Variants in TRPC3 observed in about 807,000 individuals in gnomAD.
TRPC3 encodes transient receptor potential cation channel subfamily C member 3.
Under a neutral mutation model 90.9 loss-of-function variants are expected in TRPC3, and 54 were observed. The ratio of observed to expected loss-of-function variants is 0.59; its 90% CI spans 0.48 to 0.75. TRPC3 has a LOEUF of 0.75. TRPC3 is among the 30% of genes least tolerant of loss of function. TRPC3 has a pLI of 0.00. For missense variants in TRPC3, 918 were observed against 1,194.5 expected, an observed-to-expected ratio of 0.77 and a Z score of 3.41; for synonymous variants, 424 against 450.9, an observed-to-expected ratio of 0.94 and a Z score of 0.75.
intron 1 of TRPC3, among the ~76,000 whole-genome samples, chr4:121,945,559 C>A (rs1045566953): frequency 6.6e-6 from 1 of 152,096 alleles, no homozygotes; most frequent in South Asian, 2.1e-4. Context: ...TGCTAGAGAA[C>A]GCCCAGAAAT....
chr4:121,939,968 C>T (rs529427521), intron 1 of TRPC3, among the ~76,000 whole-genome samples: 66 of 152,266 alleles, frequency 4.3e-4, no homozygotes, highest in Non-Finnish European at 7.8e-4. Flanking sequence ...GGGTAGTTCC[C>T]GAGAGCCTGA....
chr4:121,943,591 A>C (rs917571606), intron 1 of TRPC3, among the ~76,000 whole-genome samples: 7 of 152,160 alleles, frequency 4.6e-5, no homozygotes, highest in African/African-American at 1.7e-4. Flanking sequence ...AGTGACAATG[A>C]AATTAAAAGT....
chr4:121,889,521 A>G (rs1020486649), intron 10 of TRPC3, among the ~76,000 whole-genome samples: 1 of 152,136 alleles, frequency 6.6e-6, no homozygotes, highest in African/African-American at 2.4e-5. Context: ...AAACCACAAT[A>G]AGATTTCACC....
At position 121,925,030 on chromosome 4, in the gene TRPC3, A is replaced by G; in HGVS notation, c.1164T>C (p.Tyr388=). ...TAGGCCCACTCACCTTTTTGACTTC[A>G]TACTTAATGGCAAGTTTGACACGAC... is the stretch of plus-strand genomic sequence containing the variant. ...SLSRVKLAIK[Y]EVKKFVAHPN... is the part of the protein sequence containing the mutation. The change falls in exon 3 of 12, where the codon TAT becomes TAC. Residue 388 remains tyrosine (Y), a synonymous_variant. Coordinates refer to ENST00000379645, the MANE Select transcript of TRPC3 (RefSeq NM_001130698.2). 17 of 1,612,318 alleles carry G rather than the reference A, an allele frequency of 1.1e-5. No homozygotes were observed. Among genetic ancestry groups the G allele is most frequent in the Non-Finnish European group, 1.4e-5 (17 of 1,179,406 alleles).
chr4:121,931,772 C>T (rs566644388), intron 2 of TRPC3, among the ~76,000 whole-genome samples: 1 of 152,308 alleles, frequency 6.6e-6, no homozygotes, highest in African/African-American at 2.4e-5. Context: ...AACAGTGCAT[C>T]CAAAACTAAC....
intron 1 of TRPC3, among the ~76,000 whole-genome samples, chr4:121,939,219 T>C (rs1472314900): frequency 2.0e-5 from 3 of 152,148 alleles, no homozygotes; most frequent in East Asian, 1.9e-4. Context: ...AGAAGATACA[T>C]TTTACAGGAG....
In TRPC3 at chr4:121,913,990, C is replaced by T. The variant is rs80051014; in HGVS notation, c.1341+790G>A. On this transcript the variant is annotated intron_variant, in intron 4 of 11. Coordinates refer to ENST00000379645, the MANE Select transcript of TRPC3 (RefSeq NM_001130698.2). Reference sequence around the variant, plus strand: ...CTCTGACTTAAACAAAACCAAATTTCAGAATATAAAAACAGGATTAAAGGA... The same window carrying T: ...CTCTGACTTAAACAAAACCAAATTTTAGAATATAAAAACAGGATTAAAGGA... 7.6e-3 allele frequency among the ~76,000 whole-genome samples: 1,155 copies of T among 152,262 alleles called. 8 individuals are homozygous for T. The highest frequency in any genetic ancestry group is 0.025 in the African/African-American group (1,046 of 41,554).
At chr4:121,903,895 A>G (rs1446981766) in intron 8 of TRPC3, among the ~76,000 whole-genome samples, 2 of 152,180 alleles carry the variant, frequency 1.3e-5, no homozygotes, top group Non-Finnish European at 2.9e-5. Flanking sequence ...ACCCAGCCCA[A>G]TCCAAAACCA....
intron 1 of TRPC3, among the ~76,000 whole-genome samples, chr4:121,945,133 T>C (rs1225915528): frequency 6.6e-6 from 1 of 152,270 alleles, no homozygotes; most frequent in Non-Finnish European, 1.5e-5. Flanking sequence ...GACCTTCTTA[T>C]CACACAGTGT....
chr4:121,902,369 A>C (rs887039898), intron 9 of TRPC3, among the ~76,000 whole-genome samples: 1 of 152,186 alleles, frequency 6.6e-6, no homozygotes, highest in Non-Finnish European at 1.5e-5. Flanking sequence ...ATTTATGGTT[A>C]TTTGAGGATG....
chr4:121,897,034 T>C (rs2149113432), intron 10 of TRPC3, among the ~76,000 whole-genome samples: 1 of 152,144 alleles, frequency 6.6e-6, no homozygotes, highest in South Asian at 2.1e-4. Flanking sequence ...AAAACACTCA[T>C]TGGGAAAAGG....
At chr4:121,900,247 CTCTTTT>C (rs1728658389) in intron 9 of TRPC3, among the ~76,000 whole-genome samples, 2 of 152,148 alleles carry the variant, frequency 1.3e-5, no homozygotes, top group Admixed American at 1.3e-4. Flanking sequence ...TTTCTTTTCT[CTCTTTT>C]TCTTTTTAAG....
intron 2 of TRPC3, among the ~76,000 whole-genome samples, chr4:121,928,914 T>C (rs989103666): frequency 1.3e-5 from 2 of 152,230 alleles, no homozygotes; most frequent in African/African-American, 4.8e-5. Flanking sequence ...AGGCAAGTTA[T>C]CATACTGATT....
rs1729037585 is a variant in TRPC3 at position 121,910,381 on chromosome 4, A to G, written c.1565T>C (p.Met522Thr). The G allele has an allele frequency of 6.2e-7, 1 of 1,613,218 alleles. No individual in the cohort carries two copies. The highest frequency in any genetic ancestry group is 8.5e-7 in the Non-Finnish European group (1 of 1,179,414). ...CCAGAGCTCTTTACATTCAGACCAC[A>G]TCATTCCTGTCACAACAAATACAGA... ...MLIMVWVLGM[M>T]WSECKELWLE... The change falls in exon 6 of 12, where the codon ATG becomes ACG. Residue 522 changes from methionine to threonine, a missense_variant. Coordinates refer to ENST00000379645, the MANE Select transcript of TRPC3 (RefSeq NM_001130698.2).
At chr4:121,896,459 G>A (rs776373473) in intron 10 of TRPC3, among the ~76,000 whole-genome samples, 3 of 152,030 alleles carry the variant, frequency 2.0e-5, no homozygotes, top group Non-Finnish European at 2.9e-5. Flanking sequence ...AACAAATTCA[G>A]TAAAGTAGCA....
chr4:121,909,560 G>T (rs1729011474), intron 6 of TRPC3, among the ~76,000 whole-genome samples: 4 of 152,108 alleles, frequency 2.6e-5, no homozygotes, highest in Admixed American at 2.6e-4. Context: ...CCGGATGTCA[G>T]CTGAGGTCTC....
In TRPC3 at chr4:121,932,605, T is replaced by C. The variant is rs751444947; in HGVS notation, c.653A>G (p.Asp218Gly). The C allele has an allele frequency of 6.8e-6, 11 of 1,613,992 alleles. No homozygotes were observed. In the South Asian group the frequency reaches 7.7e-5, roughly 11 times the overall value. The change falls in exon 2 of 12, where the codon GAC (aspartate) becomes GGC (glycine). Residue 218 changes from aspartate to glycine, a missense_variant. This residue lies in a region of TRPC3 where 609 missense variants were observed against 725.9 expected (regional missense o/e 0.84). Transcript: ENST00000379645. This position sits in a 1 kb window ranked among gnomAD's most constrained non-coding sequence, Gnocchi z 7.7. The part of the protein sequence containing the change: ...LSPCEQELQD[D>G]DFYAYDEDGT... ...GTCCTCGTCGTAAGCGTAGAAGTCG[T>C]CGTCCTGCAGCTCCTGCTCACAGGG...
intron 1 of TRPC3, among the ~76,000 whole-genome samples, chr4:121,944,673 T>A (rs1730429271): frequency 6.6e-6 from 1 of 152,186 alleles, no homozygotes; most frequent in African/African-American, 2.4e-5. Flanking sequence ...GGGTCAACTG[T>A]GCTTTGCGAT....
intron 10 of TRPC3, among the ~76,000 whole-genome samples, chr4:121,896,242 TAGAAGTGTAACA>T (rs1728511131): frequency 6.6e-6 from 1 of 151,854 alleles, no homozygotes; most frequent in South Asian, 2.1e-4. Flanking sequence ...AAAGGTTTTT[TAGAAGTGTAACA>T]AGACAAGGAT....
Sources: allele counts gnomAD v4.1 joint callset (sites outside exome capture counted in the v4.1 genomes callset), GRCh38; gene constraint gnomAD v4.1.1; regional missense constraint gnomAD v4.1.1; non-coding constraint Gnocchi (gnomAD v3.1); transcripts MANE v1.5; gene names NCBI Gene and HGNC (gene_info 2026-07-23, HGNC 2026-07-21).